Variants in PIAS1 observed in about 807,000 individuals in gnomAD.
PIAS1 encodes protein inhibitor of activated STAT 1.
In PIAS1, 6 loss-of-function variants were observed where a neutral mutation model predicts 71.3. That is an observed-to-expected ratio of 0.08 (90% CI 0.05 to 0.17). The LOEUF is 0.17. Among genes scored for constraint, PIAS1 ranks in the 10% least tolerant of loss-of-function variants. The pLI is 1.00. For synonymous variants in PIAS1, 303 were observed against 292.9 expected, an observed-to-expected ratio of 1.03 and a Z score of -0.35; for missense variants, 555 against 793.6, an observed-to-expected ratio of 0.70 and a Z score of 3.61.
chr15:68,153,848 T>A, intron 7 of PIAS1, 153 bp downstream of exon 7: 1 of 483,320 alleles, frequency 2.1e-6, no homozygotes, highest in South Asian at 3.5e-5. Context: ...ATGAGCTATA[T>A]TTTATAATCT....
intron 2 of PIAS1, among the ~76,000 whole-genome samples, chr15:68,091,714 A>G (rs750841351): frequency 2.0e-5 from 3 of 152,232 alleles, no homozygotes; most frequent in Non-Finnish European, 4.4e-5. Flanking sequence ...CCTACCAAAC[A>G]TGATAGGTTA....
intron 1 of PIAS1, among the ~76,000 whole-genome samples, chr15:68,070,589 G>A (rs1428856506): frequency 6.6e-6 from 1 of 152,184 alleles, no homozygotes; most frequent in Non-Finnish European, 1.5e-5. Flanking sequence ...CTAGTTCTGT[G>A]TGGGTATTGA....
chr15:68,086,410 T>C lies in PIAS1; in HGVS notation c.129T>C (p.His43=). ...ACGAACTTCTCACAAAAGCCCTGCA[T>C]TTGCTAAAGGCTGGCTGTAGTCCTG... is the stretch of plus-strand genomic sequence containing the variant. The part of the protein sequence containing the change: ...RKHELLTKAL[H]LLKAGCSPAV... Residue 43 remains histidine, a synonymous_variant, in exon 2 of 14, where the codon CAT becomes CAC. Coordinates refer to ENST00000249636, the MANE Select transcript of PIAS1 (RefSeq NM_016166.3). The surrounding 1 kb of genome is among the most constrained non-coding windows in gnomAD (Gnocchi z 7.2). 6.2e-7 allele frequency: 1 copy of C among 1,613,898 alleles called. No individual in the cohort carries two copies. The highest frequency in any genetic ancestry group is 1.1e-5 in the South Asian group (1 of 91,084).
intron 2 of PIAS1, among the ~76,000 whole-genome samples, chr15:68,115,169 TATAA>T (rs2092555344): frequency 6.6e-6 from 1 of 152,110 alleles, no homozygotes; most frequent in East Asian, 1.9e-4. Flanking sequence ...GTTTTGGCAG[TATAA>T]ATAAAGGTGC....
chr15:68,165,662 C>G (rs939854284), intron 8 of PIAS1, among the ~76,000 whole-genome samples: 1 of 152,056 alleles, frequency 6.6e-6, no homozygotes, highest in Non-Finnish European at 1.5e-5. Context: ...AAGACTTAGC[C>G]AAATTATTAA....
chr15:68,091,089 G>T (rs1357615992), intron 2 of PIAS1, among the ~76,000 whole-genome samples: 1 of 152,082 alleles, frequency 6.6e-6, no homozygotes, highest in Non-Finnish European at 1.5e-5. Flanking sequence ...TTGAGCACAT[G>T]TGTTAAGGGG....
intron 4 of PIAS1, among the ~76,000 whole-genome samples, chr15:68,145,602 G>A (rs1052460613): frequency 1.3e-5 from 2 of 152,076 alleles, no homozygotes; most frequent in Non-Finnish European, 2.9e-5. Context: ...CAACTACAGG[G>A]TGATAGTCAT....
At chr15:68,111,393 G>T (rs1216542401) in intron 2 of PIAS1, among the ~76,000 whole-genome samples, 1 of 152,196 alleles carries the variant, frequency 6.6e-6, no homozygotes, top group Non-Finnish European at 1.5e-5. Flanking sequence ...TCTATATATT[G>T]CAGGGGTGTA....
At chr15:68,169,839 TC>T (rs988996259) in intron 8 of PIAS1, among the ~76,000 whole-genome samples, 5 of 152,174 alleles carry the variant, frequency 3.3e-5, no homozygotes, top group African/African-American at 9.7e-5. Flanking sequence ...CGTAATTGAA[TC>T]CCCACAATCA....
At chr15:68,087,647 G>C (rs2140983318) in intron 2 of PIAS1, among the ~76,000 whole-genome samples, 1 of 152,288 alleles carries the variant, frequency 6.6e-6, no homozygotes, top group East Asian at 1.9e-4. Context: ...CGGAGACCAT[G>C]TGTGCCTGTA....
intron 7 of PIAS1, among the ~76,000 whole-genome samples, chr15:68,161,222 G>T (rs1024072715): frequency 1.1e-4 from 17 of 152,140 alleles, no homozygotes; most frequent in African/African-American, 4.1e-4. Flanking sequence ...TATGAAACAC[G>T]TGGGGATACA....
chr15:68,176,735 A>G, intron 11 of PIAS1, 81 bp downstream of exon 11: 1 of 955,760 alleles, frequency 1.0e-6, no homozygotes, highest in South Asian at 1.9e-5. Context: ...GCCAAATAAA[A>G]TGATTCTTGA....
chr15:68,175,092 T>G (rs1251047106), intron 9 of PIAS1, among the ~76,000 whole-genome samples: 1 of 152,188 alleles, frequency 6.6e-6, no homozygotes, highest in African/African-American at 2.4e-5. Context: ...ATAATTGTGA[T>G]TGTACACTGT....
At chr15:68,071,070 G>T (rs1247340211) in intron 1 of PIAS1, among the ~76,000 whole-genome samples, 1 of 152,144 alleles carries the variant, frequency 6.6e-6, no homozygotes, top group East Asian at 1.9e-4. Flanking sequence ...GAGGACAATT[G>T]TAGGGGTTTG....
chr15:68,149,679 A>G (rs1029329806), intron 6 of PIAS1, among the ~76,000 whole-genome samples: 3 of 152,088 alleles, frequency 2.0e-5, no homozygotes, highest in Admixed American at 6.5e-5. Context: ...GGTTTACTTA[A>G]AAACTAGTTA....
At chr15:68,066,031 G>A (rs1385585182) in intron 1 of PIAS1, among the ~76,000 whole-genome samples, 1 of 143,692 alleles carries the variant, frequency 7.0e-6, no homozygotes, top group Non-Finnish European at 1.5e-5. Flanking sequence ...TGGAATTCAA[G>A]GTGTTGAGCC....
chr15:68,127,660 C>T (rs1377437531), intron 2 of PIAS1, among the ~76,000 whole-genome samples: 1 of 152,108 alleles, frequency 6.6e-6, no homozygotes, highest in Non-Finnish European at 1.5e-5. Flanking sequence ...TCTTTACTGA[C>T]CTTTTATTGG....
At chr15:68,176,930 A>G (rs538837309) in intron 11 of PIAS1, among the ~76,000 whole-genome samples, 2 of 152,262 alleles carry the variant, frequency 1.3e-5, no homozygotes, top group South Asian at 2.1e-4. Flanking sequence ...CTGAGAGCTT[A>G]ATAAAATGCA....
intron 1 of PIAS1, chr15:68,055,190 G>T: frequency 1.0e-6 from 1 of 984,862 alleles, no homozygotes. Flanking sequence ...GCCTTTGGGG[G>T]TCTCTGCACA....
Sources: allele counts gnomAD v4.1 joint callset (sites outside exome capture counted in the v4.1 genomes callset), GRCh38; gene constraint gnomAD v4.1.1; non-coding constraint Gnocchi (gnomAD v3.1); transcripts MANE v1.5; gene names NCBI Gene and HGNC (gene_info 2026-07-23, HGNC 2026-07-21).